ACTR3C: variants seen among roughly 807,000 people sequenced by gnomAD.
The protein encoded by ACTR3C is actin related protein 3C.
A neutral mutation model predicts 26.3 loss-of-function variants in ACTR3C; 18 were observed. That is an observed-to-expected ratio of 0.68 (90% CI 0.47 to 1.01). ACTR3C has a LOEUF of 1.01. ACTR3C is among the 50% of genes least tolerant of loss of function. ACTR3C has a pLI of 0.00. For synonymous variants in ACTR3C, 55 were observed against 94.5 expected, an observed-to-expected ratio of 0.58 and a Z score of 2.42; for missense variants, 184 against 250.7, an observed-to-expected ratio of 0.73 and a Z score of 1.80.
chr7:150,077,573 G>T, the ACTR3C span, among the ~76,000 whole-genome samples: 100 of 152,184 alleles, frequency 6.6e-4, no homozygotes, highest in Non-Finnish European at 1.2e-3. Flanking sequence ...ATAGCATGAT[G>T]GATCCAGAGG....
At chr7:150,038,036 C>T in the ACTR3C span, among the ~76,000 whole-genome samples, 1 of 136,566 alleles carries the variant, frequency 7.3e-6, no homozygotes, top group African/African-American at 2.9e-5. Context: ...GTCCCAAGAG[C>T]CATGGGGGGA....
Position 150,289,577 on chromosome 7 carries a change from A to G in ACTR3C, c.170T>C (p.Ile57Thr), listed in dbSNP as rs543212644. 6.3e-6 allele frequency: 10 copies of G among 1,581,514 alleles called. No individual in the cohort carries two copies. Among genetic ancestry groups the G allele is most frequent in the Non-Finnish European group, 2.6e-6 (3 of 1,162,754 alleles). Residue 57 changes from isoleucine (I) to threonine (T), a missense_variant, in exon 4 of 8, where the codon ATT (isoleucine) becomes ACT (threonine). Coordinates refer to ENST00000683684, the MANE Select transcript of ACTR3C (RefSeq NM_001164458.2). ...CGGGATGTGTTTGATGCAGCTTCCA[A>G]TTACATAACCTTCTGCCTAGGGAAG... Reference protein sequence around the residue: ...HVIPVAEGYVIGSCIKHIPIA... With the variant: ...HVIPVAEGYVTGSCIKHIPIA...
the ACTR3C span, among the ~76,000 whole-genome samples, chr7:149,992,170 A>T: frequency 6.6e-6 from 1 of 152,280 alleles, no homozygotes; most frequent in South Asian, 2.1e-4. Flanking sequence ...GTACAGGCAG[A>T]TGCCTGCACA....
chr7:149,917,408 A>G, the ACTR3C span, among the ~76,000 whole-genome samples: 141,091 of 152,060 alleles, frequency 0.93, 66,388 homozygotes, highest in South Asian at 1. Flanking sequence ...TTGCACGAAG[A>G]CTCTTTCACT....
At chr7:149,984,795 C>T in the ACTR3C span, among the ~76,000 whole-genome samples, 18 of 151,998 alleles carry the variant, frequency 1.2e-4, no homozygotes, top group Non-Finnish European at 2.5e-4. Context: ...TCCTACCCTT[C>T]GTGATCCACT....
At chr7:150,089,072 TTGTCTTGGATGTTA>T in the ACTR3C span, among the ~76,000 whole-genome samples, 3 of 152,164 alleles carry the variant, frequency 2.0e-5, no homozygotes, top group East Asian at 3.8e-4. Flanking sequence ...TTGATCTCTC[TTGTCTTGGATGTTA>T]TGTTCTTAGT....
chr7:149,916,879 A>G, the ACTR3C span, among the ~76,000 whole-genome samples: 1 of 152,136 alleles, frequency 6.6e-6, no homozygotes, highest in Non-Finnish European at 1.5e-5. Flanking sequence ...CAATAGCTGC[A>G]TAAAGCACTA....
the ACTR3C span, among the ~76,000 whole-genome samples, chr7:150,131,843 T>C: frequency 3.3e-5 from 5 of 152,172 alleles, no homozygotes; most frequent in Admixed American, 2.6e-4. Flanking sequence ...AAAGAAAATG[T>C]GGTAAATACA....
At chr7:150,285,557 T>C (rs1455966088) in intron 5 of ACTR3C, among the ~76,000 whole-genome samples, 1 of 152,224 alleles carries the variant, frequency 6.6e-6, no homozygotes, top group African/African-American at 2.4e-5. Flanking sequence ...CCATTTCAAA[T>C]CAATACTATT....
At chr7:149,984,163 T>G in the ACTR3C span, among the ~76,000 whole-genome samples, 1 of 152,064 alleles carries the variant, frequency 6.6e-6, no homozygotes, top group Non-Finnish European at 1.5e-5. Context: ...TTAGTTATGT[T>G]TTTTTCCCTG....
chr7:150,122,191 G>A, the ACTR3C span, among the ~76,000 whole-genome samples: 1 of 151,966 alleles, frequency 6.6e-6, no homozygotes, highest in Non-Finnish European at 1.5e-5. Context: ...TGACTAAAAC[G>A]CCAAAAGCAA....
At chr7:149,944,622 C>A in the ACTR3C span, among the ~76,000 whole-genome samples, 1 of 150,902 alleles carries the variant, frequency 6.6e-6, no homozygotes, top group Non-Finnish European at 1.5e-5. Context: ...CCCTGTACCC[C>A]TGGTTCATGT....
chr7:150,222,627 G>A, the ACTR3C span, among the ~76,000 whole-genome samples: 1 of 152,232 alleles, frequency 6.6e-6, no homozygotes, highest in African/African-American at 2.4e-5. Context: ...GGGCCCTTGA[G>A]ATGGATTGAA....
the ACTR3C span, among the ~76,000 whole-genome samples, chr7:150,037,577 G>C: frequency 1.0e-4 from 7 of 67,594 alleles, no homozygotes; most frequent in South Asian, 2.8e-3. Context: ...AAGAACCCGG[G>C]GGGGAAGAGG....
chr7:149,908,443 A>G, the ACTR3C span, among the ~76,000 whole-genome samples: 1 of 152,114 alleles, frequency 6.6e-6, no homozygotes, highest in Non-Finnish European at 1.5e-5. Context: ...AGGAACCGGA[A>G]TGAGGTTACT....
At chr7:149,999,671 C>T in the ACTR3C span, among the ~76,000 whole-genome samples, 1 of 151,656 alleles carries the variant, frequency 6.6e-6, no homozygotes, top group Non-Finnish European at 1.5e-5. Context: ...GAAAAACTGA[C>T]GAGACTGCTA....
At chr7:150,265,770 T>C (rs1160712027) in intron 6 of ACTR3C, among the ~76,000 whole-genome samples, 1 of 152,142 alleles carries the variant, frequency 6.6e-6, no homozygotes. Flanking sequence ...ATTTACCTAC[T>C]GTTAACATTT....
At chr7:149,949,475 A>G in the ACTR3C span, among the ~76,000 whole-genome samples, 2 of 147,828 alleles carry the variant, frequency 1.4e-5, 1 homozygote, top group African/African-American at 5.4e-5. Flanking sequence ...CCTACAGGAA[A>G]GTGGTTAACA....
At chr7:149,920,337 C>T in the ACTR3C span, among the ~76,000 whole-genome samples, 11 of 151,978 alleles carry the variant, frequency 7.2e-5, no homozygotes, top group African/African-American at 2.2e-4. Flanking sequence ...GCCAGAGTCT[C>T]GCTTTGTCAC....
Sources: gnomAD v4.1 joint callset for allele counts (sites outside exome capture counted in the v4.1 genomes callset) on GRCh38, gnomAD v4.1.1 for gene constraint, MANE v1.5 for transcripts, NCBI Gene and HGNC (gene_info 2026-07-23, HGNC 2026-07-21) for gene names.